TFEC: variants seen among roughly 807,000 people sequenced by gnomAD.
The protein encoded by TFEC is class E basic helix-loop-helix protein 34.
In TFEC, 31 loss-of-function variants were observed where a neutral mutation model predicts 41.6. That is an observed-to-expected ratio of 0.74 (90% confidence interval 0.56 to 1.01). The LOEUF (loss-of-function observed/expected upper bound fraction) is 1.01. Among genes scored for constraint, TFEC ranks in the 50% least tolerant of loss-of-function variants. The probability of loss-of-function intolerance (pLI) is 0.00; values close to 1 mark genes in which losing one functional copy is unlikely to be tolerated. For missense variants in TFEC, 402 were observed against 404.1 expected (o/e 0.99, Z 0.04); for synonymous variants, 143 against 140.6 (o/e 1.02, Z -0.12).
At chr7:115,992,587 T>C (rs992904460) in intron 1 of TFEC, among the ~76,000 whole-genome samples, 21 of 151,938 alleles carry the variant, frequency 1.4e-4, no homozygotes, top group African/African-American at 4.8e-4. Flanking sequence ...ACTATGCAAA[T>C]AAACTAGAAA....
intron 1 of TFEC, among the ~76,000 whole-genome samples, chr7:115,996,325 C>T (rs1794365481): frequency 6.6e-6 from 1 of 152,064 alleles, no homozygotes; most frequent in Admixed American, 6.5e-5. Context: ...CTAGATACAT[C>T]CTGGGCCAGA....
chr7:116,081,015 G>GTGTGTGTGTGTGTGTGTA (rs1562962557), intron 3 of TFEC, among the ~76,000 whole-genome samples: 6 of 147,680 alleles, frequency 4.1e-5, no homozygotes, highest in African/African-American at 1.5e-4. Context: ...GTGTGTGTGT[G>GTGTGTGTGTGTGTGTGTA]TATAAATATA....
At chr7:115,965,038 A>G (rs1252727313) in intron 3 of TFEC, among the ~76,000 whole-genome samples, 2 of 151,614 alleles carry the variant, frequency 1.3e-5, no homozygotes, top group East Asian at 3.9e-4. Flanking sequence ...TGACAGTAAC[A>G]ATTTCACAAT....
intron 1 of TFEC, among the ~76,000 whole-genome samples, chr7:115,998,039 T>C (rs1227691690): frequency 6.6e-6 from 1 of 152,058 alleles, no homozygotes; most frequent in African/African-American, 2.4e-5. Flanking sequence ...AGAAAATTTA[T>C]TCAAATGGGT....
intron 1 of TFEC, among the ~76,000 whole-genome samples, chr7:115,987,436 G>A (rs1793908514): frequency 6.6e-6 from 1 of 152,100 alleles, no homozygotes; most frequent in South Asian, 2.1e-4. Flanking sequence ...TCTCTAACTG[G>A]ATGTGCCAAT....
At chr7:116,014,916 C>G (rs879670783) in intron 1 of TFEC, among the ~76,000 whole-genome samples, 1 of 151,978 alleles carries the variant, frequency 6.6e-6, no homozygotes, top group Non-Finnish European at 1.5e-5. Flanking sequence ...TTCTCTAGAG[C>G]CTCCAACAAG....
intron 1 of TFEC, among the ~76,000 whole-genome samples, chr7:116,123,635 A>G (rs1798153061): frequency 6.6e-6 from 1 of 152,080 alleles, no homozygotes; most frequent in African/African-American, 2.4e-5. Flanking sequence ...CCCACTGGGT[A>G]CTTTTCTTTA....
chr7:115,995,156 T>G (rs949797111), intron 1 of TFEC, among the ~76,000 whole-genome samples: 45 of 136,210 alleles, frequency 3.3e-4, no homozygotes, highest in African/African-American at 1.1e-3. Context: ...ATGAGAACAC[T>G]TGGACACAGG....
intron 1 of TFEC, among the ~76,000 whole-genome samples, chr7:116,156,406 T>A (rs1288594004): frequency 6.6e-6 from 1 of 152,196 alleles, no homozygotes; most frequent in Non-Finnish European, 1.5e-5. Flanking sequence ...ATAACCTTCA[T>A]ATCAGTCCTA....
chr7:115,944,013 ATTTTT>A (rs1160114562), intron 6 of TFEC, among the ~76,000 whole-genome samples: 652 of 22,848 alleles, frequency 0.029, 12 homozygotes, highest in Non-Finnish European at 0.036. Context: ...ACAGGTCTGA[ATTTTT>A]TTTTTTTTTT....
At chr7:116,117,220 G>A (rs1798010553) in intron 1 of TFEC, among the ~76,000 whole-genome samples, 1 of 151,668 alleles carries the variant, frequency 6.6e-6, no homozygotes. Context: ...CTTTGTTGGA[G>A]AATTACCTGA....
chr7:115,965,030 A>G (rs1792773277), intron 3 of TFEC, among the ~76,000 whole-genome samples: 1 of 151,634 alleles, frequency 6.6e-6, no homozygotes, highest in Non-Finnish European at 1.5e-5. Flanking sequence ...TGTAGAAATG[A>G]CAGTAACAAT....
intron 3 of TFEC, among the ~76,000 whole-genome samples, chr7:116,071,844 A>G (rs1171584377): frequency 6.6e-6 from 1 of 151,496 alleles, no homozygotes; most frequent in Non-Finnish European, 1.5e-5. Flanking sequence ...CAAAACTGAA[A>G]CCTATTTTCA....
At chr7:115,984,611 C>G (rs552755322) in intron 1 of TFEC, 98 bp from the exon 2 acceptor site, 9 of 1,359,124 alleles carry the variant, frequency 6.6e-6, no homozygotes, top group African/African-American at 2.9e-5. Context: ...ACACACTACA[C>G]TATAGCATCT....
intron 3 of TFEC, among the ~76,000 whole-genome samples, chr7:115,961,406 A>G (rs1792541516): frequency 6.6e-6 from 1 of 151,646 alleles, no homozygotes; most frequent in African/African-American, 2.4e-5. Flanking sequence ...ATATGGCAAA[A>G]CAATGCTTTA....
chr7:115,968,375 C>A, intron 3 of TFEC: 1 of 1,340,668 alleles, frequency 7.5e-7, no homozygotes, highest in Non-Finnish European at 9.7e-7. Flanking sequence ...TTGACAAAAG[C>A]TTGCTCACTG....
chr7:116,054,463 A>G (rs767898135), intron 3 of TFEC, among the ~76,000 whole-genome samples: 2 of 152,180 alleles, frequency 1.3e-5, no homozygotes, highest in Non-Finnish European at 2.9e-5. Flanking sequence ...TACTGGAAAT[A>G]TTATATAGCA....
intron 3 of TFEC, among the ~76,000 whole-genome samples, chr7:116,097,632 T>C (rs1185848790): frequency 6.6e-6 from 1 of 152,096 alleles, no homozygotes; most frequent in Non-Finnish European, 1.5e-5. Flanking sequence ...AGAAGGAAGG[T>C]GTGTGATCTC....
chr7:116,119,109 A>C (rs944839713), intron 1 of TFEC, among the ~76,000 whole-genome samples: 4 of 151,884 alleles, frequency 2.6e-5, no homozygotes, highest in Non-Finnish European at 5.9e-5. Context: ...CCACACATTA[A>C]GCACTTTGCT....
Sources: allele counts gnomAD v4.1 joint callset (sites outside exome capture counted in the v4.1 genomes callset), GRCh38; gene constraint gnomAD v4.1.1; transcripts MANE v1.5; gene names NCBI Gene and HGNC (gene_info 2026-07-23, HGNC 2026-07-21).